The following FSTL5 variants were observed in gnomAD, a reference collection of about 807,000 sequenced individuals.
FSTL5 encodes the protein follistatin like 5.
A neutral mutation model predicts 89.1 loss-of-function variants in FSTL5; 62 were observed. The observed-to-expected ratio is 0.70, with a 90% CI of 0.57 to 0.86. The LOEUF (loss-of-function observed/expected upper bound fraction) is 0.86, where lower values mean the gene tolerates loss of function less well. FSTL5 is among the 40% of genes least tolerant of loss of function. The probability of loss-of-function intolerance (pLI) is 0.00; values close to 1 mark genes in which losing one functional copy is unlikely to be tolerated. For missense variants in FSTL5, 1,057 were observed against 1,001.6 expected (o/e 1.06, Z -0.75); for synonymous variants, 383 against 346.2 (o/e 1.11, Z -1.18).
intron 4 of FSTL5, among the ~76,000 whole-genome samples, chr4:161,907,359 G>T (rs964609389): frequency 6.6e-6 from 1 of 151,938 alleles, no homozygotes; most frequent in Non-Finnish European, 1.5e-5. Context: ...TAACACACAC[G>T]ATTTTATTTT....
At chr4:161,638,032 T>G (rs543523907) in intron 7 of FSTL5, among the ~76,000 whole-genome samples, 2 of 152,062 alleles carry the variant, frequency 1.3e-5, no homozygotes, top group Non-Finnish European at 2.9e-5. Context: ...GGGATGGCAT[T>G]GAATCTGTAA....
intron 2 of FSTL5, among the ~76,000 whole-genome samples, chr4:162,081,725 A>G (rs1242273199): frequency 1.3e-5 from 2 of 151,682 alleles, no homozygotes; most frequent in Non-Finnish European, 1.5e-5. Flanking sequence ...CACCCTGTCC[A>G]TAGATATTGT....
intron 6 of FSTL5, among the ~76,000 whole-genome samples, chr4:161,722,837 T>C (rs1739261841): frequency 6.6e-6 from 1 of 152,184 alleles, no homozygotes; most frequent in Non-Finnish European, 1.5e-5. Flanking sequence ...GGCATGATAA[T>C]ACTTTTGGGC....
intron 4 of FSTL5, among the ~76,000 whole-genome samples, chr4:161,899,265 C>T (rs562167845): frequency 1.3e-5 from 2 of 151,986 alleles, no homozygotes; most frequent in African/African-American, 2.4e-5. Context: ...AATATCATCC[C>T]GATGGTAGAG....
chr4:161,945,960 A>G (rs1377727990), intron 3 of FSTL5, among the ~76,000 whole-genome samples: 1 of 152,132 alleles, frequency 6.6e-6, no homozygotes, highest in Non-Finnish European at 1.5e-5. Context: ...TTATAATTAT[A>G]ATTTAAATTT....
intron 3 of FSTL5, among the ~76,000 whole-genome samples, chr4:161,948,477 T>TTTTC: frequency 9.1e-6 from 1 of 109,988 alleles, no homozygotes; most frequent in Non-Finnish European, 1.8e-5. Flanking sequence ...AATTTTTTTC[T>TTTTC]TTTCTTTCTT....
intron 7 of FSTL5, among the ~76,000 whole-genome samples, chr4:161,612,940 CT>C (rs11302016): frequency 0.52 from 79,032 of 150,594 alleles, 22,687 homozygotes; most frequent in African/African-American, 0.77. Flanking sequence ...TATTAGTGCT[CT>C]TTTTTTTTTA....
intron 4 of FSTL5, among the ~76,000 whole-genome samples, chr4:161,880,874 G>C (rs1254795655): frequency 2.0e-5 from 3 of 152,100 alleles, no homozygotes; most frequent in Admixed American, 1.3e-4. Context: ...ACCAGTAGTT[G>C]CCATGAGGCA....
At chr4:161,642,554 A>T (rs1056883095) in intron 7 of FSTL5, among the ~76,000 whole-genome samples, 2 of 152,186 alleles carry the variant, frequency 1.3e-5, no homozygotes, top group African/African-American at 4.8e-5. Flanking sequence ...GACAAAACAG[A>T]CATTAAATTT....
chr4:161,955,809 T>G (rs1295597888), intron 3 of FSTL5, among the ~76,000 whole-genome samples: 1 of 151,858 alleles, frequency 6.6e-6, no homozygotes, highest in East Asian at 1.9e-4. Flanking sequence ...TAATTAATAA[T>G]AACTAATGTA....
rs151002043 is a variant in FSTL5 at position 162,155,976 on chromosome 4, T to G, written c.-17+7639A>C. Among the ~76,000 whole-genome samples, 180 of 152,322 alleles carry G rather than the reference T, an allele frequency of 1.2e-3. 1 individual carries two copies. The highest frequency in any genetic ancestry group is 4.1e-3 in the African/African-American group (170 of 41,576). On this transcript the variant is annotated intron_variant, in intron 1 of 15. Transcript: ENST00000306100. ...AACACAGTGGCATTTTAAAGCATATTTTAATCAAGAGAAATCCAGAGAAGA... is the reference window on the plus strand; with the variant it reads ...AACACAGTGGCATTTTAAAGCATATGTTAATCAAGAGAAATCCAGAGAAGA...
chr4:161,939,934 G>A (rs1375144286), intron 3 of FSTL5, among the ~76,000 whole-genome samples: 1 of 151,718 alleles, frequency 6.6e-6, no homozygotes, highest in East Asian at 1.9e-4. Flanking sequence ...AGAATGCTAA[G>A]TCAAGAAAAA....
At chr4:161,841,900 C>T (rs1043302668) in intron 4 of FSTL5, among the ~76,000 whole-genome samples, 3 of 152,036 alleles carry the variant, frequency 2.0e-5, no homozygotes, top group African/African-American at 4.8e-5. Context: ...GCTGGGCTGC[C>T]GGTCTGTTCA....
At chr4:162,001,369 T>C (rs1017028360) in intron 3 of FSTL5, among the ~76,000 whole-genome samples, 3 of 152,176 alleles carry the variant, frequency 2.0e-5, no homozygotes, top group African/African-American at 7.2e-5. Context: ...ATTTAGCAAC[T>C]AGTAAAAACT....
chr4:161,925,413 A>G (rs1252791766), intron 3 of FSTL5, among the ~76,000 whole-genome samples: 1 of 151,834 alleles, frequency 6.6e-6, no homozygotes, highest in East Asian at 1.9e-4. Flanking sequence ...ATTACTTTCA[A>G]TAGGTTTTTA....
At chr4:161,534,442 T>C (rs1731524940) in intron 10 of FSTL5, among the ~76,000 whole-genome samples, 2 of 152,090 alleles carry the variant, frequency 1.3e-5, no homozygotes, top group African/African-American at 4.8e-5. Context: ...CCATTGTAGT[T>C]GAGAACCAAA....
chr4:161,557,872 A>G (rs1485926530), intron 8 of FSTL5, among the ~76,000 whole-genome samples: 2 of 151,800 alleles, frequency 1.3e-5, no homozygotes, highest in Non-Finnish European at 2.9e-5. Flanking sequence ...TAACACGTGC[A>G]TATGTGTTAT....
At chr4:161,630,607 T>G (rs376028483) in intron 7 of FSTL5, among the ~76,000 whole-genome samples, 2 of 152,238 alleles carry the variant, frequency 1.3e-5, no homozygotes, top group African/African-American at 4.8e-5. Flanking sequence ...TGATTGGCTA[T>G]ATCACTAACT....
intron 4 of FSTL5, among the ~76,000 whole-genome samples, chr4:161,870,865 A>T (rs751890608): frequency 2.6e-5 from 4 of 152,172 alleles, no homozygotes; most frequent in Non-Finnish European, 5.9e-5. Flanking sequence ...AATTATCTGC[A>T]TAATGAAAAC....
Sources: gnomAD v4.1 joint callset for allele counts (sites outside exome capture counted in the v4.1 genomes callset) on GRCh38, gnomAD v4.1.1 for gene constraint, MANE v1.5 for transcripts, NCBI Gene and HGNC (gene_info 2026-07-23, HGNC 2026-07-21) for gene names.